The following ACOT13 variants were observed in gnomAD, a reference collection of about 807,000 sequenced individuals.
ACOT13 encodes acyl-CoA thioesterase 13.
A neutral mutation model predicts 11.8 loss-of-function variants in ACOT13; 10 were observed. The ratio of observed to expected loss-of-function variants is 0.85; its 90% CI spans 0.53 to 1.44. ACOT13 has a LOEUF of 1.44. ACOT13 is among the 40% of genes most tolerant of loss of function. The probability of loss-of-function intolerance (pLI) is 0.00; values close to 1 mark genes in which losing one functional copy is unlikely to be tolerated. For synonymous variants in ACOT13, 53 were observed against 61.0 expected (o/e 0.87, Z 0.61); for missense variants, 172 against 174.1 (o/e 0.99, Z 0.07).
chr6:24,685,133 C>T (rs2127624865), intron 1 of ACOT13, among the ~76,000 whole-genome samples: 1 of 152,216 alleles, frequency 6.6e-6, no homozygotes, highest in South Asian at 2.1e-4. Context: ...TGCAAGTGCT[C>T]AGTACTGACG....
chr6:24,674,602 G>A lies in ACOT13; in HGVS notation c.81+7258G>A, dbSNP rs1778415605. On this transcript the variant is annotated intron_variant, in intron 1 of 2. Transcript: ENST00000230048. ...TTTCATTTTTTGTATATTTAGTAGAGACAGGGTTTCACCATGTTGGCCAAG... is the reference window on the plus strand; with the variant it reads ...TTTCATTTTTTGTATATTTAGTAGAAACAGGGTTTCACCATGTTGGCCAAG... Among the ~76,000 whole-genome samples the A allele has an allele frequency of 2.6e-5, 4 of 151,820 alleles. No individual in the cohort carries two copies. The South Asian group carries it at 8.3e-4, about 31-fold the overall frequency.
intron 1 of ACOT13, among the ~76,000 whole-genome samples, chr6:24,681,567 CCTCTCTCTCCGTCTCTCTCT>C (rs1001506993): frequency 4.2e-5 from 3 of 72,018 alleles, no homozygotes; most frequent in African/African-American, 2.7e-4. Context: ...TCCGTCTCTC[CCTCTCTCTCCGTCTCTCTCT>C]CTCTCAGCCA....
intron 1 of ACOT13, among the ~76,000 whole-genome samples, chr6:24,689,785 T>C (rs147507844): frequency 2.4e-4 from 36 of 152,308 alleles, no homozygotes; most frequent in African/African-American, 7.9e-4. Flanking sequence ...AGAGATAGGA[T>C]TGAAGGAATC....
chr6:24,667,081 AGCAAATCGCGGAC>A lies in ACOT13; in HGVS notation c.-182_-170del. Reference sequence around the variant, plus strand: ...CACAAGGGTGCGAGGAAAGTCAGTGAGCAAATCGCGGACCACCGGGGCTGCCAGCTCGCCTGAC... The same window carrying A: ...CACAAGGGTGCGAGGAAAGTCAGTGACACCGGGGCTGCCAGCTCGCCTGAC... On this transcript the variant is annotated 5_prime_UTR_variant, in exon 1 of 3. Coordinates refer to ENST00000230048, the MANE Select transcript of ACOT13 (RefSeq NM_018473.4). The A allele has an allele frequency of 1.2e-6, 1 of 854,616 alleles. No homozygotes were observed. 52.9% of individuals were successfully genotyped at this position (854,616 alleles called of 1,614,324 possible).
chr6:24,687,065 C>T (rs1778643989), intron 1 of ACOT13, among the ~76,000 whole-genome samples: 1 of 152,214 alleles, frequency 6.6e-6, no homozygotes, highest in South Asian at 2.1e-4. Context: ...GGAGGAGACA[C>T]ACACCATCTT....
intron 1 of ACOT13, among the ~76,000 whole-genome samples, chr6:24,686,781 G>A (rs988136747): frequency 7.9e-5 from 12 of 151,748 alleles, no homozygotes; most frequent in African/African-American, 2.9e-4. Flanking sequence ...GCTCACTGCA[G>A]CCTCAACCTC....
intron 1 of ACOT13, among the ~76,000 whole-genome samples, chr6:24,697,578 C>T (rs998203871): frequency 1.3e-5 from 2 of 152,144 alleles, no homozygotes; most frequent in African/African-American, 2.4e-5. Context: ...TTGTTGGCGT[C>T]GAAGTTCCAA....
rs1778940049 is a variant in ACOT13, at chr6:24,703,873, A to G, written c.*2258A>G. 1 of 152,250 alleles carries G rather than the reference A, an allele frequency of 6.6e-6. No individual in the cohort carries two copies. Among genetic ancestry groups the G allele is most frequent in the South Asian group, 2.1e-4 (1 of 4,836 alleles). 9.4% of individuals were successfully genotyped at this position (152,250 alleles called of 1,614,324 possible). A position where few individuals can be genotyped will look rare whatever the true frequency, so the allele number is the denominator to read the frequency against. ...CTTGAGAAGGGCGTTAAGCATGAATAAACAATTCAAATGCAAAATGAGTAA... is the reference window on the plus strand; with the variant it reads ...CTTGAGAAGGGCGTTAAGCATGAATGAACAATTCAAATGCAAAATGAGTAA... On this transcript the variant is annotated 3_prime_UTR_variant, in exon 3 of 3. Coordinates refer to ENST00000230048, the MANE Select transcript of ACOT13 (RefSeq NM_018473.4).
At chr6:24,668,959 G>A (rs1326712400) in intron 1 of ACOT13, among the ~76,000 whole-genome samples, 1 of 152,220 alleles carries the variant, frequency 6.6e-6, no homozygotes, top group Non-Finnish European at 1.5e-5. Flanking sequence ...TGGGAAGTTA[G>A]GGTTTTACTT....
chr6:24,668,315 T>C (rs569837757), intron 1 of ACOT13, among the ~76,000 whole-genome samples: 1 of 151,926 alleles, frequency 6.6e-6, no homozygotes, highest in East Asian at 1.9e-4. Flanking sequence ...GCCTCCTGGG[T>C]TCAAGTGATT....
At chr6:24,700,498 C>A (rs892270343) in intron 2 of ACOT13, among the ~76,000 whole-genome samples, 1 of 138,328 alleles carries the variant, frequency 7.2e-6, no homozygotes, top group Admixed American at 8.2e-5. Flanking sequence ...TCCAGTGGCG[C>A]GATCTCGGCT....
chr6:24,682,789 TAATAGAGTGA>T (rs1427030381), intron 1 of ACOT13, among the ~76,000 whole-genome samples: 1 of 151,986 alleles, frequency 6.6e-6, no homozygotes, highest in African/African-American at 2.4e-5. Context: ...TTACAAGATT[TAATAGAGTGA>T]AATAGAGTGA....
intron 1 of ACOT13, among the ~76,000 whole-genome samples, chr6:24,670,271 G>C (rs983335222): frequency 1.3e-5 from 2 of 152,158 alleles, no homozygotes; most frequent in Non-Finnish European, 2.9e-5. Flanking sequence ...TCCATAGAAG[G>C]AATCTCAGAT....
At chr6:24,698,164 C>A in intron 2 of ACOT13, 97 bp downstream of exon 2, 1 of 1,070,312 alleles carries the variant, frequency 9.3e-7, no homozygotes, top group Non-Finnish European at 1.3e-6. Context: ...GCATGAGATT[C>A]AATTAGCTGC....
chr6:24,671,651 T>G (rs1778368474), intron 1 of ACOT13, among the ~76,000 whole-genome samples: 1 of 151,612 alleles, frequency 6.6e-6, no homozygotes, highest in South Asian at 2.1e-4. Context: ...TTATCAAGAA[T>G]AAATAATGAA....
chr6:24,672,924 A>T (rs1165204748), intron 1 of ACOT13, among the ~76,000 whole-genome samples: 1 of 152,162 alleles, frequency 6.6e-6, no homozygotes, highest in African/African-American at 2.4e-5. Context: ...TATCTCAGGA[A>T]TGCAGTTTAT....
intron 1 of ACOT13, among the ~76,000 whole-genome samples, chr6:24,695,686 G>C (rs891551681): frequency 6.6e-6 from 1 of 152,210 alleles, no homozygotes; most frequent in South Asian, 2.1e-4. Context: ...ATGTGTGAAT[G>C]AGGTTAAGTT....
chr6:24,704,960 A>G lies in ACOT13; in HGVS notation c.*3345A>G, dbSNP rs2127631020. Reference sequence around the variant, plus strand: ...TTTTCAAATTCCAACCAGAAGCTAAATACAATTGGAAACTGGTAAGCACTA... The same window carrying G: ...TTTTCAAATTCCAACCAGAAGCTAAGTACAATTGGAAACTGGTAAGCACTA... On this transcript the variant is annotated 3_prime_UTR_variant, in exon 3 of 3. Transcript: ENST00000230048. 1 of 152,358 alleles carries G rather than the reference A, an allele frequency of 6.6e-6. No individual in the cohort carries two copies. Among genetic ancestry groups the G allele is most frequent in the Non-Finnish European group, 1.5e-5 (1 of 67,932 alleles). The allele number at this position is 152,358 out of a possible 1,614,324, so 9.4% of individuals were successfully genotyped here.
At chr6:24,673,328 T>A (rs747562965) in intron 1 of ACOT13, among the ~76,000 whole-genome samples, 17 of 152,132 alleles carry the variant, frequency 1.1e-4, no homozygotes, top group Admixed American at 4.6e-4. Flanking sequence ...GCAATAAAAA[T>A]TGAACTTTCA....
Sources: gnomAD v4.1 joint callset for allele counts (sites outside exome capture counted in the v4.1 genomes callset) on GRCh38, gnomAD v4.1.1 for gene constraint, MANE v1.5 for transcripts, NCBI Gene and HGNC (gene_info 2026-07-23, HGNC 2026-07-21) for gene names.